The following CLSTN1 variants were observed in gnomAD, a reference collection of about 807,000 sequenced individuals.
CLSTN1 encodes calsyntenin 1.
CLSTN1 carries 28 observed loss-of-function variants against 108.3 expected under a neutral mutation model. The ratio of observed to expected loss-of-function variants is 0.26; its 90% confidence interval spans 0.19 to 0.35. The LOEUF (loss-of-function observed/expected upper bound fraction) is 0.35. Among genes scored for constraint, CLSTN1 ranks in the 10% least tolerant of loss-of-function variants. The pLI is 1.00. For synonymous variants in CLSTN1, 524 were observed against 534.9 expected (o/e 0.98, Z 0.28); for missense variants, 1,157 against 1,302.6 (o/e 0.89, Z 1.72).
At chr1:9,764,106 A>AAGAGAGAG (rs772208381) in intron 2 of CLSTN1, among the ~76,000 whole-genome samples, 1 of 120,818 alleles carries the variant, frequency 8.3e-6, no homozygotes, top group East Asian at 2.7e-4. Flanking sequence ...GGGAGAAAGA[A>AAGAGAGAG]AGAGAGAGAG....
chr1:9,774,268 T>G (rs1652829970), intron 1 of CLSTN1, among the ~76,000 whole-genome samples: 1 of 151,532 alleles, frequency 6.6e-6, no homozygotes, highest in Admixed American at 6.6e-5. Flanking sequence ...AAAACAAGAG[T>G]GTTTAAGAAT....
chr1:9,774,065 T>G (rs986632770), intron 1 of CLSTN1, among the ~76,000 whole-genome samples: 2 of 152,026 alleles, frequency 1.3e-5, no homozygotes, highest in African/African-American at 4.8e-5. Flanking sequence ...TATTTTTTCT[T>G]TTTTCTCTGT....
At chr1:9,741,296 A>T (rs961953002) in intron 9 of CLSTN1, 40 bp from the exon 10 acceptor site, 4 of 1,568,358 alleles carry the variant, frequency 2.6e-6, no homozygotes, top group African/African-American at 1.3e-5. Context: ...TGAGATGTCC[A>T]CTTTCCTTCT....
At position 9,744,655 on chromosome 1, in the gene CLSTN1, G is replaced by A. The variant is rs748646156; in HGVS notation, c.986-12C>T. On this transcript the variant is annotated splice_polypyrimidine_tract_variant and intron_variant, in intron 7 of 18. Transcript: ENST00000377298. ...GCCCGCGGCCGCACCTGAAGCCACA[G>A]TGCTCGGTGAAACTCATGTGAGGAG... 1.9e-6 allele frequency: 3 copies of A among 1,601,088 alleles called. No individual in the cohort carries two copies. Among genetic ancestry groups the A allele is most frequent in the African/African-American group, 1.3e-5 (1 of 74,930 alleles).
chr1:9,730,554 G>A lies in CLSTN1; in HGVS notation c.2900C>T (p.Thr967Ile). Residue 967 changes from threonine (T) to isoleucine (I), a missense_variant, in exon 19 of 19, where the codon ACC becomes ATC. Physicochemically the swap from Thr to Ile is moderately conservative, Grantham distance 89. Transcript: ENST00000377298. The surrounding 1 kb of genome is among the most constrained non-coding windows in gnomAD (Gnocchi z 5.6). ...EGEQGDPQNA[T>I]RQQQLEWDDS... ...ATCCCACTCCAGCTGCTGCTGCCGG[G>A]TTGCGTTCTGGGGGTCGCCCTGCTC... The A allele has an allele frequency of 1.2e-6, 2 of 1,608,062 alleles. No individual in the cohort carries two copies. Among genetic ancestry groups the A allele is most frequent in the Non-Finnish European group, 1.7e-6 (2 of 1,179,990 alleles).
In CLSTN1 at chr1:9,730,559, G is replaced by A. The variant is rs112323523; in HGVS notation, c.2895C>T (p.Asn965=). Residue 965 remains asparagine, a synonymous_variant, in exon 19 of 19, where the codon AAC becomes AAT. Coordinates refer to ENST00000377298, the MANE Select transcript of CLSTN1 (RefSeq NM_001009566.3). The surrounding 1 kb of genome is among the most constrained non-coding windows in gnomAD (Gnocchi z 5.6). ...ACTCCAGCTGCTGCTGCCGGGTTGC[G>A]TTCTGGGGGTCGCCCTGCTCCCCCT... The part of the protein sequence containing the change: ...EEEGEQGDPQ[N]ATRQQQLEWD... 339 of 1,608,388 alleles carry A rather than the reference G, an allele frequency of 2.1e-4. 1 individual carries two copies. In the African/African-American group the frequency reaches 3.5e-3, roughly 16 times the overall value.
chr1:9,821,484 G>A (rs1615629), intron 1 of CLSTN1, among the ~76,000 whole-genome samples: 116,487 of 152,138 alleles, frequency 0.77, 47,772 homozygotes, highest in Non-Finnish European at 0.92. Flanking sequence ...AAATTTGAGG[G>A]TCTCTACAAA....
At chr1:9,738,680 A>T (rs1216476588) in intron 10 of CLSTN1, among the ~76,000 whole-genome samples, 1 of 152,202 alleles carries the variant, frequency 6.6e-6, no homozygotes, top group Admixed American at 6.5e-5. Context: ...TTTGAGATAG[A>T]GTCTCACTCT....
intron 1 of CLSTN1, among the ~76,000 whole-genome samples, chr1:9,802,051 T>C (rs988519856): frequency 6.6e-6 from 1 of 152,198 alleles, no homozygotes; most frequent in Non-Finnish European, 1.5e-5. Context: ...GGGGTATTAT[T>C]ATCATCATCC....
chr1:9,735,194 A>G lies in CLSTN1; in HGVS notation c.1884-20T>C. On this transcript the variant is annotated intron_variant, in intron 13 of 18. Transcript: ENST00000377298. Reference sequence around the variant, plus strand: ...AAACACCTGCCAGCAAGAAATGGGGAAGGGTCAGGGCTTTGGGAGCCGATC... The same window carrying G: ...AAACACCTGCCAGCAAGAAATGGGGGAGGGTCAGGGCTTTGGGAGCCGATC... 1.2e-6 allele frequency: 2 copies of G among 1,612,370 alleles called. No homozygotes were observed. The highest frequency in any genetic ancestry group is 1.1e-5 in the South Asian group (1 of 91,030).
intron 2 of CLSTN1, among the ~76,000 whole-genome samples, chr1:9,766,938 T>C (rs568639102): frequency 6.6e-6 from 1 of 152,238 alleles, no homozygotes; most frequent in Non-Finnish European, 1.5e-5. Context: ...TTCAGAGCTC[T>C]AACAAGTGAA....
At chr1:9,770,866 C>T (rs1652640801) in intron 2 of CLSTN1, among the ~76,000 whole-genome samples, 2 of 151,886 alleles carry the variant, frequency 1.3e-5, no homozygotes, top group African/African-American at 4.8e-5. Flanking sequence ...TGGTGGCGGG[C>T]ACCTGTAATC....
At chr1:9,774,380 A>C (rs952215783) in intron 1 of CLSTN1, among the ~76,000 whole-genome samples, 1 of 151,966 alleles carries the variant, frequency 6.6e-6, no homozygotes, top group Non-Finnish European at 1.5e-5. Context: ...AGCCTGGCCA[A>C]TATGTTGAAA....
intron 1 of CLSTN1, among the ~76,000 whole-genome samples, chr1:9,790,749 T>C (rs1194946305): frequency 2.6e-5 from 4 of 151,320 alleles, no homozygotes; most frequent in Non-Finnish European, 4.4e-5. Context: ...GATTCAGCTA[T>C]ATGAAAGGCA....
rs373789499 is a variant in CLSTN1 at position 9,735,519 on chromosome 1, G to A, written c.1831C>T (p.Arg611Trp). The A allele has an allele frequency of 1.5e-5, 24 of 1,614,042 alleles. No homozygotes were observed. Among genetic ancestry groups the A allele is most frequent in the Admixed American group, 3.3e-5 (2 of 59,982 alleles). Residue 611 changes from arginine (R) to tryptophan (W), a missense_variant, in exon 13 of 19, where the codon CGG (arginine) becomes TGG (tryptophan). Physicochemically the swap from Arg to Trp is moderately radical, Grantham distance 101. Transcript: ENST00000377298. ...CGAATTCCGGGCGTGGGGAACTGCCGGGAGTTCAGGTACGAGATGTGCTGC... is the reference window on the plus strand; with the variant it reads ...CGAATTCCGGGCGTGGGGAACTGCCAGGAGTTCAGGTACGAGATGTGCTGC... ...AMQHISYLNSRQFPTPGIRRL... is the reference protein window; with the variant it reads ...AMQHISYLNSWQFPTPGIRRL...
At chr1:9,805,340 C>T (rs906162943) in intron 1 of CLSTN1, among the ~76,000 whole-genome samples, 4 of 152,102 alleles carry the variant, frequency 2.6e-5, no homozygotes, top group Non-Finnish European at 5.9e-5. Context: ...GTTATCAGAG[C>T]GTGATCTAAG....
chr1:9,795,188 G>A (rs1381409204), intron 1 of CLSTN1, among the ~76,000 whole-genome samples: 2 of 145,508 alleles, frequency 1.4e-5, no homozygotes, highest in African/African-American at 5.0e-5. Flanking sequence ...TTTTTGAGGT[G>A]GAGTTTCGTT....
rs758968441 is a variant in CLSTN1, at chr1:9,755,312, A to G, written c.245-3T>C. 129 of 1,607,710 alleles carry G rather than the reference A, an allele frequency of 8.0e-5. No homozygotes were observed. The highest frequency in any genetic ancestry group is 1.1e-4 in the Non-Finnish European group (125 of 1,175,116). ...AATTTTAAATCCACAAATCTCACCT[A>G]GGGAGTCAAAGCAGAACAGGTAAGA... On this transcript the variant is annotated splice_polypyrimidine_tract_variant and splice_region_variant and intron_variant, in intron 3 of 18. Coordinates refer to ENST00000377298, the MANE Select transcript of CLSTN1 (RefSeq NM_001009566.3).
At chr1:9,745,267 GC>G (rs1651201958) in intron 7 of CLSTN1, among the ~76,000 whole-genome samples, 1 of 150,452 alleles carries the variant, frequency 6.6e-6, no homozygotes, top group South Asian at 2.1e-4. Flanking sequence ...GGGAAAGGAA[GC>G]ATTTCTTGTA....
Sources: gnomAD v4.1 joint callset for allele counts (sites outside exome capture counted in the v4.1 genomes callset) on GRCh38, gnomAD v4.1.1 for gene constraint, Gnocchi (gnomAD v3.1) non-coding constraint, MANE v1.5 for transcripts, NCBI Gene and HGNC (gene_info 2026-07-23, HGNC 2026-07-21) for gene names.